The following GPR146 variants were observed in gnomAD, a reference collection of about 807,000 sequenced individuals.
GPR146 encodes the protein G-protein coupled receptor 146.
For missense variants in GPR146, 381 were observed against 213.9 expected (o/e 1.78, Z -4.87); for synonymous variants, 203 against 104.3 (o/e 1.95, Z -5.77).
rs1423918441 is a variant in GPR146, at chr7:1,058,143, C to G, written c.628C>G (p.Leu210Val). 1.3e-6 allele frequency: 1 copy of G among 744,592 alleles called. No individual in the cohort carries two copies. The highest frequency in any genetic ancestry group is 1.4e-5 in the South Asian group (1 of 72,884). The allele number at this position is 744,592 out of a possible 1,614,324, so 46.1% of individuals were successfully genotyped here. Residue 210 changes from leucine to valine, a missense_variant, in exon 2 of 2, where the codon CTC (leucine) becomes GTC (valine). Leu to Val is a conservative substitution (Grantham distance 32, BLOSUM62 1). Coordinates refer to ENST00000444847, the MANE Select transcript of GPR146 (RefSeq NM_001303473.2). ...ALATLYALVL[L>V]SRVRREDTPL... ...GGCCACCCTCTACGCGCTGGTGCTA[C>G]TCTCCCGCGTCCGCAGGGAGGACAC... is the stretch of plus-strand genomic sequence containing the variant.
intron 1 of GPR146, chr7:1,045,523 T>G (rs1002699528): frequency 9.2e-5 from 14 of 152,242 alleles, no homozygotes; most frequent in African/African-American, 3.4e-4. Flanking sequence ...CAAACTTGTA[T>G]GAGTAAAATG....
chr7:1,045,022 G>T (rs1281283673), intron 1 of GPR146, among the ~76,000 whole-genome samples: 2 of 152,242 alleles, frequency 1.3e-5, no homozygotes, highest in African/African-American at 4.8e-5. Flanking sequence ...CCCCTTCTGT[G>T]ATTAGTATTT....
intron 1 of GPR146, among the ~76,000 whole-genome samples, chr7:1,050,489 G>A (rs145153746): frequency 3.0e-4 from 46 of 152,324 alleles, no homozygotes; most frequent in African/African-American, 1.0e-3. Context: ...TTTGGCTTTC[G>A]TTTCTCAAGC....
chr7:1,054,469 G>C (rs1309841376), intron 1 of GPR146, among the ~76,000 whole-genome samples: 2 of 152,240 alleles, frequency 1.3e-5, no homozygotes, highest in Admixed American at 1.3e-4. Flanking sequence ...CGGCTGGGGT[G>C]ACAGCACGCA....
intron 1 of GPR146, among the ~76,000 whole-genome samples, chr7:1,050,833 G>A (rs528615395): frequency 5.9e-5 from 9 of 152,192 alleles, no homozygotes; most frequent in Non-Finnish European, 1.0e-4. Flanking sequence ...ATCCACAGGC[G>A]CTCGGCAGGG....
chr7:1,046,311 G>A (rs184823113), intron 1 of GPR146, among the ~76,000 whole-genome samples: 9 of 152,342 alleles, frequency 5.9e-5, no homozygotes, highest in Admixed American at 4.6e-4. Flanking sequence ...TTTGCAGAAG[G>A]AAATTATCAC....
intron 1 of GPR146, chr7:1,055,474 CAAAGT>C (rs1419792564): frequency 4.4e-6 from 2 of 458,844 alleles, no homozygotes; most frequent in South Asian, 1.6e-5. Context: ...GCTTGGGCCA[CAAAGT>C]AAAGGTGAGA....
chr7:1,045,139 G>T (rs981164130), intron 1 of GPR146, among the ~76,000 whole-genome samples: 2 of 152,232 alleles, frequency 1.3e-5, no homozygotes, highest in Non-Finnish European at 2.9e-5. Context: ...TTCACTGGAA[G>T]GCAGTGCTCT....
intron 1 of GPR146, among the ~76,000 whole-genome samples, chr7:1,053,234 A>C (rs2950627): frequency 0.62 from 94,993 of 152,238 alleles, 31,564 homozygotes; most frequent in African/African-American, 0.85. Flanking sequence ...CCAGGCTCCC[A>C]CAGAACCCCT....
chr7:1,054,078 A>G (rs181088325), intron 1 of GPR146, among the ~76,000 whole-genome samples: 56 of 152,324 alleles, frequency 3.7e-4, no homozygotes, highest in African/African-American at 1.3e-3. Flanking sequence ...GCTCCTGACA[A>G]AGGCGGGAAC....
At chr7:1,055,148 T>G (rs1171873281) in intron 1 of GPR146, 2 of 436,378 alleles carry the variant, frequency 4.6e-6, no homozygotes, top group African/African-American at 4.1e-5. Context: ...AGAGGCCAGC[T>G]GTGCTCAGTT....
chr7:1,052,953 G>A lies in GPR146; in HGVS notation c.-24-4539G>A, dbSNP rs967326807. On this transcript the variant is annotated intron_variant, in intron 1 of 1. Transcript: ENST00000444847. This position sits in a 1 kb window ranked among gnomAD's most constrained non-coding sequence, Gnocchi z 4.2. ...AGCCCACTTCTGAAGAGGCTCATCT[G>A]GGCTTTCTCTCCCAGCCTCTAAGTC... Among the ~76,000 whole-genome samples, 1 of 152,192 alleles carries A rather than the reference G, an allele frequency of 6.6e-6. No homozygotes were observed. The highest frequency in any genetic ancestry group is 2.4e-5 in the African/African-American group (1 of 41,436).
intron 1 of GPR146, chr7:1,045,507 C>G (rs548576642): frequency 6.6e-6 from 1 of 152,244 alleles, no homozygotes; most frequent in African/African-American, 2.4e-5. Context: ...GCTTTAAAGG[C>G]CTCTGCAAAC....
intron 1 of GPR146, among the ~76,000 whole-genome samples, chr7:1,044,958 C>T (rs1393757024): frequency 6.6e-6 from 1 of 152,272 alleles, no homozygotes; most frequent in Non-Finnish European, 1.5e-5. Context: ...CTCCCATGTC[C>T]GACAGGGCAC....
Position 1,052,739 on chromosome 7 carries a change from G to C in GPR146, c.-24-4753G>C, listed in dbSNP as rs1200974118. On this transcript the variant is annotated intron_variant, in intron 1 of 1. Transcript: ENST00000444847. The surrounding 1 kb of genome is among the most constrained non-coding windows in gnomAD (Gnocchi z 4.2). ...TATCACCCCCGCCACCGGGCAGGCA[G>C]TGCTCAGAGTGAAACGGGTGACTGG... is the stretch of plus-strand genomic sequence containing the variant. Among the ~76,000 whole-genome samples the C allele has an allele frequency of 6.6e-6, 1 of 152,122 alleles. No individual in the cohort carries two copies. Among genetic ancestry groups the C allele is most frequent in the Non-Finnish European group, 1.5e-5 (1 of 68,002 alleles).
Position 1,053,142 on chromosome 7 carries a change from G to A in GPR146, c.-24-4350G>A, listed in dbSNP as rs557906069. 1.3e-4 allele frequency among the ~76,000 whole-genome samples: 19 copies of A among 150,372 alleles called. No individual in the cohort carries two copies. In the East Asian group the frequency reaches 3.6e-3, roughly 28 times the overall value. On this transcript the variant is annotated intron_variant, in intron 1 of 1. Transcript: ENST00000444847. ...CTTCCCCAGACAGCCCGGCAGCCAG[G>A]AAAAGGAAGTCTCTGGGCACAGAGG...
rs924484411 is a variant in GPR146, at chr7:1,044,675, A to C, written c.-25+17A>C. The C allele has an allele frequency of 3.3e-5, 5 of 151,948 alleles. No homozygotes were observed. Among genetic ancestry groups the C allele is most frequent in the African/African-American group, 1.2e-4 (5 of 41,386 alleles). 9.4% of individuals were successfully genotyped at this position (151,948 alleles called of 1,614,324 possible). On this transcript the variant is annotated intron_variant, in intron 1 of 1. Coordinates refer to ENST00000444847, the MANE Select transcript of GPR146 (RefSeq NM_001303473.2). ...AGCAAGCCGGTGAGTGGGGCCCGGG[A>C]GCCTGGGTCGGGTCGGTGGGGCACA...
chr7:1,054,769 T>C (rs558017395), intron 1 of GPR146, among the ~76,000 whole-genome samples: 1 of 152,314 alleles, frequency 6.6e-6, no homozygotes, highest in East Asian at 1.9e-4. Context: ...GCTCAGCTTT[T>C]CTCTGGCCAT....
chr7:1,051,692 G>A (rs1309796705), intron 1 of GPR146, among the ~76,000 whole-genome samples: 1 of 152,226 alleles, frequency 6.6e-6, no homozygotes, highest in Non-Finnish European at 1.5e-5. Flanking sequence ...AACAAAAACA[G>A]GTCAGGCACA....
Sources: allele counts gnomAD v4.1 joint callset (sites outside exome capture counted in the v4.1 genomes callset), GRCh38; gene constraint gnomAD v4.1.1; non-coding constraint Gnocchi (gnomAD v3.1); transcripts MANE v1.5; gene names NCBI Gene and HGNC (gene_info 2026-07-23, HGNC 2026-07-21).